SPEG: variants seen among roughly 807,000 people sequenced by gnomAD.
The protein encoded by SPEG is striated muscle preferentially expressed protein kinase.
SPEG carries 114 observed loss-of-function variants against 300.4 expected under a neutral mutation model. That is an observed-to-expected ratio of 0.38 (90% CI 0.33 to 0.44). The LOEUF is 0.44. Among genes scored for constraint, SPEG ranks in the 20% least tolerant of loss-of-function variants. SPEG has a pLI of 1.00. For synonymous variants in SPEG, 1,964 were observed against 2,018.9 expected, an observed-to-expected ratio of 0.97 and a Z score of 0.73; for missense variants, 4,201 against 4,586.2, an observed-to-expected ratio of 0.92 and a Z score of 2.43.
Position 219,448,095 on chromosome 2 carries a change from T to C in SPEG, c.937T>C (p.Ser313Pro), listed in dbSNP as rs780025242. ...CAAATCCGCGCTGCTCCCCCCACCG[T>C]CCCCTCGGGTCGGGAAGCGGTCCCC... ...PSKSALLPPP[S>P]PRVGKRSPPG... The change falls in exon 4 of 41, where the codon TCC (serine) becomes CCC (proline). Residue 313 changes from serine to proline, a missense_variant. Around this residue, in one of 4 missense-constraint regions of SPEG, gnomAD observed 1,258 missense variants for 1,293.9 expected, o/e 0.97. Transcript: ENST00000312358. 2.1e-5 allele frequency: 34 copies of C among 1,603,612 alleles called. No homozygotes were observed. Among genetic ancestry groups the C allele is most frequent in the Middle Eastern group, 3.3e-4 (2 of 6,034 alleles).
Position 219,467,167 on chromosome 2 carries a change from C to G in SPEG, c.2882-7C>G, listed in dbSNP as rs1430913423. ...GTGCGTGGCCCCCGTGGCTGCTTTCCCCTCAGCACACCCTGAAAGCCGGTC... is the reference window on the plus strand; with the variant it reads ...GTGCGTGGCCCCCGTGGCTGCTTTCGCCTCAGCACACCCTGAAAGCCGGTC... On this transcript the variant is annotated splice_region_variant and splice_polypyrimidine_tract_variant and intron_variant, in intron 9 of 40. Coordinates refer to ENST00000312358, the MANE Select transcript of SPEG (RefSeq NM_005876.5). The G allele has an allele frequency of 3.2e-6, 5 of 1,566,416 alleles. No homozygotes were observed. The African/African-American group carries it at 5.4e-5, about 17-fold the overall frequency.
At chr2:219,455,029 G>T (rs1241079578) in intron 6 of SPEG, among the ~76,000 whole-genome samples, 1 of 152,196 alleles carries the variant, frequency 6.6e-6, no homozygotes, top group Non-Finnish European at 1.5e-5. Flanking sequence ...AGGAGGCCGA[G>T]GTTGCAGTAA....
At chr2:219,465,011 T>C (rs942028691) in intron 9 of SPEG, 9 of 160,650 alleles carry the variant, frequency 5.6e-5, no homozygotes, top group South Asian at 3.5e-4. Context: ...TCCCATCCCA[T>C]TGCTGTGCAG....
At position 219,490,918 on chromosome 2, in the gene SPEG, G is replaced by T; in HGVS notation, c.9347G>T (p.Arg3116Met). 6.2e-7 allele frequency: 1 copy of T among 1,613,578 alleles called. No homozygotes were observed. The highest frequency in any genetic ancestry group is 8.5e-7 in the Non-Finnish European group (1 of 1,179,990). ...SAQPYNPQAL[R>M]PLGHRTGTLE... is the part of the protein sequence containing the mutation. ...CAGCCCTACAACCCCCAGGCCCTTA[G>T]GCCCCTTGGCCACCGCACGGGCACG... Residue 3116 changes from arginine (R) to methionine (M), a missense_variant, in exon 38 of 41, where the codon AGG becomes ATG. Around this residue, in one of 4 missense-constraint regions of SPEG, gnomAD observed 318 missense variants for 429.5 expected, o/e 0.74. Transcript: ENST00000312358.
intron 18 of SPEG, among the ~76,000 whole-genome samples, chr2:219,474,742 T>G (rs1692190141): frequency 6.6e-6 from 1 of 151,680 alleles, no homozygotes; most frequent in Non-Finnish European, 1.5e-5. Flanking sequence ...CTGGCCGCCC[T>G]TCGGCACAAG....
chr2:219,492,351 GGAA>G (rs1694053050), intron 40 of SPEG, 91 bp downstream of exon 40: 19 of 1,419,536 alleles, frequency 1.3e-5, no homozygotes, highest in Non-Finnish European at 1.6e-5. Flanking sequence ...CCTGCTCCTA[GGAA>G]GAAGTCTGCT....
rs201568141 is a variant in SPEG, at chr2:219,492,219, C to T, written c.9570C>T (p.Ser3190=). 319 of 1,613,684 alleles carry T rather than the reference C, an allele frequency of 2.0e-4. 2 individuals are homozygous for T. In the East Asian group the frequency reaches 3.9e-3, roughly 20 times the overall value. Residue 3190 remains serine, a synonymous_variant, in exon 40 of 41, where the codon AGC becomes AGT. Transcript: ENST00000312358. ...AFQLYPNTSQ[S]ATLFLRKVLS... ...AGCTGTACCCCAATACATCCCAGAGCGCCACCCTCTTCTTGCGAAAGGTTC... is the reference window on the plus strand; with the variant it reads ...AGCTGTACCCCAATACATCCCAGAGTGCCACCCTCTTCTTGCGAAAGGTTC...
intron 40 of SPEG, among the ~76,000 whole-genome samples, 163 bp from the exon 41 acceptor site, chr2:219,492,431 A>G (rs1421436026): frequency 1.3e-5 from 2 of 152,168 alleles, no homozygotes; most frequent in Admixed American, 6.5e-5. Flanking sequence ...AGGCAGACTC[A>G]CTGTCCCCAT....
Position 219,439,967 on chromosome 2 carries a change from CAT to C in SPEG, c.388+4605_388+4606del, listed in dbSNP as rs1954814951. Among the ~76,000 whole-genome samples, 1 of 152,220 alleles carries C rather than the reference CAT, an allele frequency of 6.6e-6. No homozygotes were observed. Among genetic ancestry groups the C allele is most frequent in the African/African-American group, 2.4e-5 (1 of 41,440 alleles). Reference sequence around the variant, plus strand: ...TCTGGCTGGAACGAGTGTGGACACACATATGTGCCCTCTCAGCACACGTCCCT... The same window carrying C: ...TCTGGCTGGAACGAGTGTGGACACACATGTGCCCTCTCAGCACACGTCCCT... On this transcript the variant is annotated intron_variant, in intron 1 of 40. Transcript: ENST00000312358. This position sits in a 1 kb window ranked among gnomAD's most constrained non-coding sequence, Gnocchi z 4.5.
intron 38 of SPEG, among the ~76,000 whole-genome samples, chr2:219,491,165 T>A (rs908276842): frequency 1.1e-4 from 16 of 152,164 alleles, no homozygotes; most frequent in Non-Finnish European, 2.1e-4. Context: ...AACTGAGGGG[T>A]ACTGATGTTA....
At chr2:219,478,473 T>A (rs996688297) in intron 22 of SPEG, among the ~76,000 whole-genome samples, 1 of 152,274 alleles carries the variant, frequency 6.6e-6, no homozygotes, top group African/African-American at 2.4e-5. Context: ...ACATGGCCTA[T>A]GCTTTTCATC....
Position 219,488,272 on chromosome 2 carries a change from C to T in SPEG, c.7820C>T (p.Pro2607Leu). 1 of 1,613,396 alleles carries T rather than the reference C, an allele frequency of 6.2e-7. No homozygotes were observed. Among genetic ancestry groups the T allele is most frequent in the South Asian group, 1.1e-5 (1 of 91,022 alleles). ...GAGGCAGCCACCCTGCTCTGCCTGC[C>T]AGCGGCCTGCCCTGCACCGCACATC... is the stretch of plus-strand genomic sequence containing the variant. The part of the protein sequence containing the change: ...EGEAATLLCL[P>L]AACPAPHISW... The change falls in exon 32 of 41, where the codon CCA (proline) becomes CTA (leucine). Residue 2607 changes from proline to leucine, a missense_variant. Pro to Leu is a moderately conservative substitution (Grantham distance 98). This residue lies in a region of SPEG where 1,578 missense variants were observed against 1,506.0 expected (regional missense o/e 1.05). Transcript: ENST00000312358.
rs780881031 is a variant in SPEG at position 219,443,166 on chromosome 2, G to A, written c.389-1487G>A. On this transcript the variant is annotated intron_variant, in intron 1 of 40. Transcript: ENST00000312358. The surrounding 1 kb of genome is among the most constrained non-coding windows in gnomAD (Gnocchi z 4.6). ...CTCACCCATGGTGCGTGGACCGTGGGCGTCCTTGCTCTAGCCCATGCCTAC... is the reference window on the plus strand; with the variant it reads ...CTCACCCATGGTGCGTGGACCGTGGACGTCCTTGCTCTAGCCCATGCCTAC... 2 of 1,612,428 alleles carry A rather than the reference G, an allele frequency of 1.2e-6. No homozygotes were observed. The highest frequency in any genetic ancestry group is 8.5e-7 in the Non-Finnish European group (1 of 1,179,538).
intron 1 of SPEG, among the ~76,000 whole-genome samples, chr2:219,440,543 G>C (rs1459344105): frequency 6.6e-6 from 1 of 150,970 alleles, no homozygotes; most frequent in African/African-American, 2.4e-5. Context: ...TCATCAGTCT[G>C]TCCCTGTATT....
chr2:219,484,514 C>A lies in SPEG; in HGVS notation c.7051C>A (p.Leu2351Met). 6.2e-7 allele frequency: 1 copy of A among 1,601,270 alleles called. No individual in the cohort carries two copies. The part of the protein sequence containing the change: ...RESPLSLGLR[L>M]LSRSRSEERG... ...GTCGCCCCTGTCGCTGGGGCTGCGGCTGCTGAGCCGTTCGCGCTCGGAGGA... is the reference window on the plus strand; with the variant it reads ...GTCGCCCCTGTCGCTGGGGCTGCGGATGCTGAGCCGTTCGCGCTCGGAGGA... The change falls in exon 30 of 41, where the codon CTG (leucine) becomes ATG (methionine). Residue 2351 changes from leucine (L) to methionine (M), a missense_variant. Around this residue, in one of 4 missense-constraint regions of SPEG, gnomAD observed 1,578 missense variants for 1,506.0 expected, o/e 1.05. Transcript: ENST00000312358.
chr2:219,469,301 G>A lies in SPEG; in HGVS notation c.3637G>A (p.Gly1213Ser), dbSNP rs756568021. 47 of 1,613,788 alleles carry A rather than the reference G, an allele frequency of 2.9e-5. No individual in the cohort carries two copies. The highest frequency in any genetic ancestry group is 3.9e-5 in the Non-Finnish European group (46 of 1,179,996). The change falls in exon 13 of 41, where the codon GGC (glycine) becomes AGC (serine). Residue 1213 changes from glycine (G) to serine (S), a missense_variant. Physicochemically the swap from Gly to Ser is moderately conservative, Grantham distance 56 (BLOSUM62 0). Around this residue, in one of 4 missense-constraint regions of SPEG, gnomAD observed 1,047 missense variants for 1,356.8 expected, o/e 0.77. Transcript: ENST00000312358. ...KEAMLECQVT[G>S]LPYPTISWFH... Reference sequence around the variant, plus strand: ...GGCCATGCTAGAGTGCCAGGTGACCGGCCTGCCCTACCCCACCATCAGCTG... The same window carrying A: ...GGCCATGCTAGAGTGCCAGGTGACCAGCCTGCCCTACCCCACCATCAGCTG...
chr2:219,470,362 G>C (rs1691763592), intron 13 of SPEG, among the ~76,000 whole-genome samples: 1 of 152,096 alleles, frequency 6.6e-6, no homozygotes, highest in South Asian at 2.1e-4. Flanking sequence ...CCACCCGCCT[G>C]CCCATCTCCA....
At chr2:219,490,122 C>A (rs1693828192) in intron 36 of SPEG, among the ~76,000 whole-genome samples, 183 bp downstream of exon 36, 1 of 152,236 alleles carries the variant, frequency 6.6e-6, no homozygotes, top group African/African-American at 2.4e-5. Flanking sequence ...GCCATATGAT[C>A]TCATCAAATC....
intron 9 of SPEG, chr2:219,465,933 G>T: frequency 1.6e-6 from 1 of 638,830 alleles, no homozygotes; most frequent in Non-Finnish European, 2.5e-6. Flanking sequence ...GCGCGCGTGT[G>T]CGTGCACGTG....
Sources: gnomAD v4.1 joint callset for allele counts (sites outside exome capture counted in the v4.1 genomes callset) on GRCh38, gnomAD v4.1.1 for gene constraint, gnomAD v4.1.1 regional missense constraint, Gnocchi (gnomAD v3.1) non-coding constraint, MANE v1.5 for transcripts, NCBI Gene and HGNC (gene_info 2026-07-23, HGNC 2026-07-21) for gene names.